Variants in ST6GALNAC2 observed in about 807,000 individuals in gnomAD.
The protein encoded by ST6GALNAC2 is alpha-N-acetylgalactosaminide alpha-2,6-sialyltransferase 2.
ST6GALNAC2 carries 42 observed loss-of-function variants against 38.7 expected under a neutral mutation model. The ratio of observed to expected loss-of-function variants is 1.09; its 90% CI spans 0.85 to 1.40. The LOEUF (loss-of-function observed/expected upper bound fraction) is 1.40. Ranked by LOEUF, ST6GALNAC2 falls within the 40% of genes most tolerant of loss-of-function variation. The probability of loss-of-function intolerance (pLI) is 0.00; values close to 1 mark genes in which losing one functional copy is unlikely to be tolerated. For synonymous variants in ST6GALNAC2, 233 were observed against 209.0 expected (o/e 1.11, Z -0.99); for missense variants, 506 against 481.7 (o/e 1.05, Z -0.47).
chr17:76,585,415 G>A lies in ST6GALNAC2; in HGVS notation c.125+269C>T, dbSNP rs943570370. On this transcript the variant is annotated intron_variant, in intron 1 of 8. Coordinates refer to ENST00000225276, the MANE Select transcript of ST6GALNAC2 (RefSeq NM_006456.3). ...GGCCGGGGAGGACTTCACCAACAAG[G>A]GGCACCGGGGCGGGTCGCCAGTGCA... 7.9e-5 allele frequency among the ~76,000 whole-genome samples: 12 copies of A among 152,220 alleles called. 1 individual carries two copies. The highest frequency in any genetic ancestry group is 2.4e-4 in the African/African-American group (10 of 41,448).
intron 5 of ST6GALNAC2, among the ~76,000 whole-genome samples, chr17:76,571,702 A>T (rs1244212759): frequency 1.3e-5 from 2 of 152,214 alleles, no homozygotes; most frequent in Non-Finnish European, 2.9e-5. Context: ...ACACTCCTTA[A>T]GCCCCTGGTC....
intron 1 of ST6GALNAC2, among the ~76,000 whole-genome samples, chr17:76,580,612 C>T (rs1450438874): frequency 6.7e-6 from 1 of 148,650 alleles, no homozygotes; most frequent in African/African-American, 2.5e-5. Context: ...CCAGGCTACT[C>T]GGGAGGCTGA....
chr17:76,578,629 TA>T, intron 2 of ST6GALNAC2, 126 bp downstream of exon 2: 1 of 843,426 alleles, frequency 1.2e-6, no homozygotes, highest in Non-Finnish European at 1.9e-6. Context: ...TGCTCAGCTG[TA>T]ACTTAGGGCG....
chr17:76,568,315 G>GA (rs1311637083), intron 7 of ST6GALNAC2: 1 of 232,924 alleles, frequency 4.3e-6, no homozygotes, highest in African/African-American at 2.3e-5. Flanking sequence ...TGGCAGGAGG[G>GA]AGGGAAGGGG....
chr17:76,573,611 G>A lies in ST6GALNAC2; in HGVS notation c.362-248C>T, dbSNP rs1390280507. Among the ~76,000 whole-genome samples the A allele has an allele frequency of 5.3e-5, 8 of 152,122 alleles. No individual in the cohort carries two copies. The highest frequency in any genetic ancestry group is 5.2e-4 in the Admixed American group (8 of 15,278). ...AATACCTTATCTTCTTAAGACTGGT[G>A]CTAGAGAAGTGAGCTCAGGGCTTAA... On this transcript the variant is annotated intron_variant, in intron 3 of 8. Coordinates refer to ENST00000225276, the MANE Select transcript of ST6GALNAC2 (RefSeq NM_006456.3). This position sits in a 1 kb window ranked among gnomAD's most constrained non-coding sequence, Gnocchi z 5.1.
At chr17:76,581,580 G>A (rs575359654) in intron 1 of ST6GALNAC2, among the ~76,000 whole-genome samples, 87 of 152,232 alleles carry the variant, frequency 5.7e-4, no homozygotes, top group Non-Finnish European at 1.1e-3. Context: ...GAACCCCCAA[G>A]TTCAGTTTTG....
At chr17:76,584,358 G>A (rs150501280) in intron 1 of ST6GALNAC2, among the ~76,000 whole-genome samples, 1 of 152,074 alleles carries the variant, frequency 6.6e-6, no homozygotes, top group East Asian at 1.9e-4. Flanking sequence ...ACCATCCCCG[G>A]ATAAGTTTTG....
At chr17:76,570,692 C>T in intron 5 of ST6GALNAC2, 24 bp from the exon 6 acceptor site, 2 of 1,573,316 alleles carry the variant, frequency 1.3e-6, no homozygotes, top group Non-Finnish European at 1.7e-6. Context: ...GACAATGAGC[C>T]CAGAGGGGAA....
At chr17:76,568,552 A>G (rs2075312506) in intron 7 of ST6GALNAC2, 161 bp downstream of exon 7, 5 of 662,596 alleles carry the variant, frequency 7.5e-6, no homozygotes, top group African/African-American at 1.8e-5. Flanking sequence ...TAAATAAAAC[A>G]GTAAATGAAG....
rs578015025 is a variant in ST6GALNAC2 at position 76,573,049 on chromosome 17, T to C, written c.530+146A>G. 6 of 976,576 alleles carry C rather than the reference T, an allele frequency of 6.1e-6. No individual in the cohort carries two copies. The highest frequency in any genetic ancestry group is 8.9e-6 in the Non-Finnish European group (6 of 677,140). The allele number at this position is 976,576 out of a possible 1,614,324, so 60.5% of individuals were successfully genotyped here. On this transcript the variant is annotated intron_variant, in intron 4 of 8. Coordinates refer to ENST00000225276, the MANE Select transcript of ST6GALNAC2 (RefSeq NM_006456.3). This position sits in a 1 kb window ranked among gnomAD's most constrained non-coding sequence, Gnocchi z 5.1. ...CTCCGTCCTCAGGGCCTACTGTTTG[T>C]TTTTGCCTTGTCCATGCCCGTGTGC...
chr17:76,570,694 A>T, intron 5 of ST6GALNAC2, 26 bp from the exon 6 acceptor site: 1 of 1,568,954 alleles, frequency 6.4e-7, no homozygotes. Flanking sequence ...CAATGAGCCC[A>T]GAGGGGAACC....
chr17:76,566,109 G>T lies in ST6GALNAC2; in HGVS notation c.1120C>A (p.Arg374Ser). The T allele has an allele frequency of 6.2e-7, 1 of 1,613,940 alleles. No homozygotes were observed. Among genetic ancestry groups the T allele is most frequent in the Non-Finnish European group, 8.5e-7 (1 of 1,179,908 alleles). The change falls in exon 9 of 9, where the codon CGC becomes AGC. Residue 374 changes from arginine to serine, a missense_variant. Transcript: ENST00000225276. The part of the protein sequence containing the change: ...HKAGILQLYQ[R>S] ...AAGGGCTCAGTGCATTGGGGTCAGC[G>T]CTGGTACAGCTGAAGGATGCCGGCC... is the stretch of plus-strand genomic sequence containing the variant.
rs374251666 is a variant in ST6GALNAC2, at chr17:76,578,724, C to G, written c.186+32G>C. On this transcript the variant is annotated intron_variant, in intron 2 of 8. Transcript: ENST00000225276. Reference sequence around the variant, plus strand: ...TCCTCCCCACTAATTTGAGGGTGCTCAAAACTGCCACAGGGTAGTCGACCA... The same window carrying G: ...TCCTCCCCACTAATTTGAGGGTGCTGAAAACTGCCACAGGGTAGTCGACCA... 4 of 1,602,116 alleles carry G rather than the reference C, an allele frequency of 2.5e-6. No individual in the cohort carries two copies. In the African/African-American group the frequency reaches 4.0e-5, roughly 16 times the overall value.
chr17:76,582,814 G>A (rs10775368), intron 1 of ST6GALNAC2, among the ~76,000 whole-genome samples: 114,513 of 152,038 alleles, frequency 0.75, 43,425 homozygotes, highest in East Asian at 0.84. Flanking sequence ...CCAGAATGCC[G>A]TCCACCTCCC....
Position 76,565,938 on chromosome 17 carries a change from GCTGGGGTGTC to G in ST6GALNAC2, c.*156_*165del. 1 of 651,742 alleles carries G rather than the reference GCTGGGGTGTC, an allele frequency of 1.5e-6. No homozygotes were observed. The highest frequency in any genetic ancestry group is 2.6e-6 in the Non-Finnish European group (1 of 391,234). The allele number at this position is 651,742 out of a possible 1,614,324, so 40.4% of individuals were successfully genotyped here. On this transcript the variant is annotated 3_prime_UTR_variant, in exon 9 of 9. Coordinates refer to ENST00000225276, the MANE Select transcript of ST6GALNAC2 (RefSeq NM_006456.3). Reference sequence around the variant, plus strand: ...GAGTTCTTGGATGAGCCAAGGACAAGCTGGGGTGTCCTATATTGAACAGACCTCGATGAAA... The same window carrying G: ...GAGTTCTTGGATGAGCCAAGGACAAGCTATATTGAACAGACCTCGATGAAA...
At chr17:76,576,369 A>G (rs1372868519) in intron 2 of ST6GALNAC2, among the ~76,000 whole-genome samples, 1 of 152,244 alleles carries the variant, frequency 6.6e-6, no homozygotes, top group Non-Finnish European at 1.5e-5. Flanking sequence ...GAAGAAAGAC[A>G]GAAGCACAGT....
At chr17:76,577,903 C>A (rs1438313628) in intron 2 of ST6GALNAC2, among the ~76,000 whole-genome samples, 1 of 152,130 alleles carries the variant, frequency 6.6e-6, no homozygotes, top group African/African-American at 2.4e-5. Flanking sequence ...GCCCCCATCA[C>A]CTGCCCGGGC....
intron 1 of ST6GALNAC2, among the ~76,000 whole-genome samples, chr17:76,584,261 C>T (rs2075517080): frequency 6.8e-6 from 1 of 146,674 alleles, no homozygotes; most frequent in African/African-American, 2.5e-5. Context: ...GGCGCGATCA[C>T]AGCTCACTGC....
intron 8 of ST6GALNAC2, 111 bp from the exon 9 acceptor site, chr17:76,566,382 A>G (rs1198201807): frequency 5.9e-6 from 7 of 1,192,900 alleles, no homozygotes; most frequent in Middle Eastern, 2.0e-4. Flanking sequence ...GGTGAGGATA[A>G]TGGTCTAGGG....
Sources: allele counts gnomAD v4.1 joint callset (sites outside exome capture counted in the v4.1 genomes callset), GRCh38; gene constraint gnomAD v4.1.1; non-coding constraint Gnocchi (gnomAD v3.1); transcripts MANE v1.5; gene names NCBI Gene and HGNC (gene_info 2026-07-23, HGNC 2026-07-21).